Variants in FSIP2 observed in about 807,000 individuals in gnomAD.
FSIP2 encodes fibrous sheath-interacting protein 2.
A neutral mutation model predicts 510.5 loss-of-function variants in FSIP2; 367 were observed. The ratio of observed to expected loss-of-function variants is 0.72; its 90% CI spans 0.66 to 0.78. The LOEUF (loss-of-function observed/expected upper bound fraction) is 0.78, where lower values mean the gene tolerates loss of function less well. Ranked by LOEUF, FSIP2 falls within the 30% of genes least tolerant of loss-of-function variation. The pLI is 0.00. For synonymous variants in FSIP2, 2,601 were observed against 2,732.2 expected, an observed-to-expected ratio of 0.95 and a Z score of 1.50; for missense variants, 7,594 against 7,901.7, an observed-to-expected ratio of 0.96 and a Z score of 1.48.
chr2:185,768,245 G>A (rs900155144), intron 13 of FSIP2, among the ~76,000 whole-genome samples: 1 of 151,904 alleles, frequency 6.6e-6, no homozygotes, highest in African/African-American at 2.4e-5. Flanking sequence ...TTGTTTTACA[G>A]CAATGCAAAA....
Position 185,797,422 on chromosome 2 carries a change from C to T in FSIP2, c.10286C>T (p.Ala3429Val). Residue 3429 changes from alanine to valine, a missense_variant, in exon 16 of 23, where the codon GCC (alanine) becomes GTC (valine). Physicochemically the swap from Ala to Val is moderately conservative, Grantham distance 64. Transcript: ENST00000424728. ...ATAGAGACTGTGAAGGAAGTTGAAGCCTTTACTTTTGCTGATCATGAAATG... is the reference window on the plus strand; with the variant it reads ...ATAGAGACTGTGAAGGAAGTTGAAGTCTTTACTTTTGCTGATCATGAAATG... The part of the protein sequence containing the change: ...PKIETVKEVE[A>V]FTFADHEMGS... 1 of 1,531,868 alleles carries T rather than the reference C, an allele frequency of 6.5e-7. No homozygotes were observed. Among genetic ancestry groups the T allele is most frequent in the Non-Finnish European group, 8.7e-7 (1 of 1,145,422 alleles). 94.9% of individuals were successfully genotyped at this position (1,531,868 alleles called of 1,614,324 possible).
intron 7 of FSIP2, among the ~76,000 whole-genome samples, chr2:185,751,469 G>C (rs778617918): frequency 2.5e-3 from 342 of 138,100 alleles, no homozygotes; most frequent in Non-Finnish European, 4.4e-3. Flanking sequence ...TTCTGTGTGT[G>C]TGTGTGTGTG....
intron 13 of FSIP2, among the ~76,000 whole-genome samples, chr2:185,770,384 G>A (rs920750900): frequency 1.1e-4 from 17 of 152,002 alleles, no homozygotes; most frequent in Non-Finnish European, 1.6e-4. Context: ...GGCTATACAC[G>A]CACGGCACCA....
chr2:185,800,495 C>T lies in FSIP2; in HGVS notation c.11189C>T (p.Ser3730Leu). The change falls in exon 17 of 23, where the codon TCG (serine) becomes TTG (leucine). Residue 3730 changes from serine (S) to leucine (L), a missense_variant. Transcript: ENST00000424728. ...ATACAAAGAACATATTTCTACTCCT[C>T]GAATAATGAGCAACCTAATAGCATA... ...GKIQRTYFYSSNNEQPNSILT... is the reference protein window; with the variant it reads ...GKIQRTYFYSLNNEQPNSILT... The T allele has an allele frequency of 2.0e-6, 3 of 1,533,112 alleles. No individual in the cohort carries two copies. Among genetic ancestry groups the T allele is most frequent in the Middle Eastern group, 1.7e-4 (1 of 5,962 alleles). The allele number at this position is 1,533,112 out of a possible 1,614,324, so 95.0% of individuals were successfully genotyped here. A position where few individuals can be genotyped will look rare whatever the true frequency, so the allele number is the denominator to read the frequency against.
chr2:185,755,282 A>AC (rs1156533999), intron 8 of FSIP2, among the ~76,000 whole-genome samples: 1 of 151,576 alleles, frequency 6.6e-6, no homozygotes, highest in African/African-American at 2.4e-5. Context: ...CAAAGCATAT[A>AC]CACTAAGTAC....
intron 13 of FSIP2, among the ~76,000 whole-genome samples, chr2:185,774,287 C>G (rs1209557307): frequency 6.6e-6 from 1 of 152,088 alleles, no homozygotes; most frequent in Non-Finnish European, 1.5e-5. Flanking sequence ...GTATTATTCT[C>G]TATAGTTTGT....
rs1419161325 is a variant in FSIP2 at position 185,801,538 on chromosome 2, C to A, written c.12232C>A (p.Gln4078Lys). ...ATACGACAATGCCTCAATAGCAGAA[C>A]AAATAACAAATGGCATATTGTTAGA... ...PVYDNASIAE[Q>K]ITNGILLEIL... Residue 4078 changes from glutamine (Q) to lysine (K), a missense_variant, in exon 17 of 23, where the codon CAA becomes AAA. Coordinates refer to ENST00000424728, the MANE Select transcript of FSIP2 (RefSeq NM_173651.4). The A allele has an allele frequency of 6.5e-7, 1 of 1,534,058 alleles. No individual in the cohort carries two copies. Among genetic ancestry groups the A allele is most frequent in the Admixed American group, 2.0e-5 (1 of 50,820 alleles).
In FSIP2 at chr2:185,804,236, T is replaced by G; in HGVS notation, c.14930T>G (p.Val4977Gly). Residue 4977 changes from valine (V) to glycine (G), a missense_variant, in exon 17 of 23, where the codon GTG becomes GGG. Val to Gly is a moderately radical substitution (Grantham distance 109). Coordinates refer to ENST00000424728, the MANE Select transcript of FSIP2 (RefSeq NM_173651.4). The part of the protein sequence containing the change: ...NMLVTENPDR[V>G]KLKLTRIVTT... Reference sequence around the variant, plus strand: ...TTGGTTACTGAAAATCCAGATAGAGTGAAACTGAAACTTACCAGGATTGTT... The same window carrying G: ...TTGGTTACTGAAAATCCAGATAGAGGGAAACTGAAACTTACCAGGATTGTT... 1 of 1,526,326 alleles carries G rather than the reference T, an allele frequency of 6.6e-7. No homozygotes were observed. Among genetic ancestry groups the G allele is most frequent in the Non-Finnish European group, 8.8e-7 (1 of 1,141,676 alleles). 94.5% of individuals were successfully genotyped at this position (1,526,326 alleles called of 1,614,324 possible). A position where few individuals can be genotyped will look rare whatever the true frequency, so the allele number is the denominator to read the frequency against.
In FSIP2 at chr2:185,806,630, G is replaced by A. The variant is rs17826534; in HGVS notation, c.17324G>A (p.Arg5775Gln). ...PSKPDDPQNQRESKPGIFPAK... is the reference protein window; with the variant it reads ...PSKPDDPQNQQESKPGIFPAK... ...AAACCAGATGATCCTCAAAACCAAC[G>A]AGAAAGTAAACCTGGAATTTTTCCC... Residue 5775 changes from arginine (R) to glutamine (Q), a missense_variant, in exon 17 of 23, where the codon CGA (arginine) becomes CAA (glutamine). By Grantham distance (43) the Arg-to-Gln change is conservative (BLOSUM62 1). Transcript: ENST00000424728. 871,321 of 1,605,508 alleles carry A rather than the reference G, an allele frequency of 0.54. 238,226 individuals are homozygous for A. Among genetic ancestry groups the A allele is most frequent in the South Asian group, 0.64 (57,168 of 89,826 alleles).
chr2:185,759,988 G>A lies in FSIP2; in HGVS notation c.1079-1000G>A, dbSNP rs1692318923. Among the ~76,000 whole-genome samples, 3 of 138,064 alleles carry A rather than the reference G, an allele frequency of 2.2e-5. No homozygotes were observed. The South Asian group carries it at 7.5e-4, about 35-fold the overall frequency. The allele number at this position is 138,064 out of a possible 152,430, so 90.6% of individuals were successfully genotyped here. On this transcript the variant is annotated intron_variant, in intron 9 of 22. Coordinates refer to ENST00000424728, the MANE Select transcript of FSIP2 (RefSeq NM_173651.4). Reference sequence around the variant, plus strand: ...TTCATATTATCTATTTATTTGTGATGAGACATGATCATTTGGATTTTTCAG... The same window carrying A: ...TTCATATTATCTATTTATTTGTGATAAGACATGATCATTTGGATTTTTCAG...
intron 13 of FSIP2, among the ~76,000 whole-genome samples, chr2:185,780,990 C>G (rs1432445598): frequency 6.6e-6 from 1 of 151,616 alleles, no homozygotes; most frequent in East Asian, 1.9e-4. Context: ...ATAATTTTAT[C>G]TTCTCCTCCT....
intron 13 of FSIP2, among the ~76,000 whole-genome samples, chr2:185,773,455 G>T (rs934457814): frequency 6.6e-6 from 1 of 152,072 alleles, no homozygotes; most frequent in African/African-American, 2.4e-5. Flanking sequence ...TGTAGTCTGG[G>T]ACCCCAATTC....
At chr2:185,766,424 A>G (rs1340324851) in intron 13 of FSIP2, 1 of 148,846 alleles carries the variant, frequency 6.7e-6, no homozygotes, top group African/African-American at 2.5e-5. Flanking sequence ...CTCATCTGAC[A>G]AAGGGCTAAT....
rs1276758201 is a variant in FSIP2, at chr2:185,792,529, A to T, written c.5393A>T (p.Asn1798Ile). 4 of 1,529,822 alleles carry T rather than the reference A, an allele frequency of 2.6e-6. No homozygotes were observed. Among genetic ancestry groups the T allele is most frequent in the Non-Finnish European group, 3.5e-6 (4 of 1,141,994 alleles). 94.8% of individuals were successfully genotyped at this position (1,529,822 alleles called of 1,614,324 possible). The stretch of plus-strand genomic sequence containing the variant: ...CAAAGTACTTTAATCAATCAATTAA[A>T]TGTCCTTTCTCTCTCCCACTCTAAT... The part of the protein sequence containing the change: ...IFQSTLINQL[N>I]VLSLSHSNFN... Residue 1798 changes from asparagine (N) to isoleucine (I), a missense_variant, in exon 16 of 23, where the codon AAT (asparagine) becomes ATT (isoleucine). Coordinates refer to ENST00000424728, the MANE Select transcript of FSIP2 (RefSeq NM_173651.4).
chr2:185,778,950 A>ATATC (rs926848370), intron 13 of FSIP2, among the ~76,000 whole-genome samples: 1 of 151,980 alleles, frequency 6.6e-6, no homozygotes, highest in African/African-American at 2.4e-5. Context: ...TAGAATCATC[A>ATATC]TATCTTCCAG....
rs77069614 is a variant in FSIP2, at chr2:185,747,434, C to G, written c.870+11C>G. The G allele has an allele frequency of 0.072, 100,555 of 1,390,352 alleles. 8,290 individuals are homozygous for G. Among genetic ancestry groups the G allele is most frequent in the East Asian group, 0.43 (17,196 of 40,268 alleles). 86.1% of individuals were successfully genotyped at this position (1,390,352 alleles called of 1,614,324 possible). On this transcript the variant is annotated intron_variant, in intron 7 of 22. Coordinates refer to ENST00000424728, the MANE Select transcript of FSIP2 (RefSeq NM_173651.4). ...GAGAGTGACAGGAAGGTAGGGTGAGCTTTAACCTCTAACTTGAGCTGTTCG... is the reference window on the plus strand; with the variant it reads ...GAGAGTGACAGGAAGGTAGGGTGAGGTTTAACCTCTAACTTGAGCTGTTCG...
In FSIP2 at chr2:185,794,625, A is replaced by G; in HGVS notation, c.7489A>G (p.Arg2497Gly). 6.5e-7 allele frequency: 1 copy of G among 1,532,130 alleles called. No homozygotes were observed. The allele number at this position is 1,532,130 out of a possible 1,614,324, so 94.9% of individuals were successfully genotyped here. Residue 2497 changes from arginine (R) to glycine (G), a missense_variant, in exon 16 of 23, where the codon AGA becomes GGA. Arg to Gly is a moderately radical substitution (Grantham distance 125). Transcript: ENST00000424728. ...AGAACTTTTGAATAAGTTGTATCAAAGAGTAAGGGAAGTCACAGGCCATTT... is the reference window on the plus strand; with the variant it reads ...AGAACTTTTGAATAAGTTGTATCAAGGAGTAAGGGAAGTCACAGGCCATTT... ...VEELLNKLYQ[R>G]VREVTGHLPP... is the part of the protein sequence containing the mutation.
intron 9 of FSIP2, 22 bp downstream of exon 9, chr2:185,756,300 A>C (rs1345954727): frequency 4.6e-5 from 42 of 916,036 alleles, no homozygotes; most frequent in Non-Finnish European, 6.7e-5. Flanking sequence ...TTGTGACAAG[A>C]AACACTAGAT....
At chr2:185,747,473 G>T (rs1267831338) in intron 7 of FSIP2, 50 bp downstream of exon 7, 2 of 1,118,150 alleles carry the variant, frequency 1.8e-6, no homozygotes, top group Non-Finnish European at 2.6e-6. Context: ...AGAAGATTTT[G>T]TTTTGGTTTT....
Sources: allele counts gnomAD v4.1 joint callset (sites outside exome capture counted in the v4.1 genomes callset), GRCh38; gene constraint gnomAD v4.1.1; transcripts MANE v1.5; gene names NCBI Gene and HGNC (gene_info 2026-07-23, HGNC 2026-07-21).